The following SGIP1 variants were observed in gnomAD, a reference collection of about 807,000 sequenced individuals.
SGIP1 encodes SH3-containing GRB2-like protein 3-interacting protein 1.
A neutral mutation model predicts 107.5 loss-of-function variants in SGIP1; 38 were observed. The ratio of observed to expected loss-of-function variants is 0.35; its 90% CI spans 0.27 to 0.46. The LOEUF is 0.46. SGIP1 is among the 20% of genes least tolerant of loss of function. The pLI is 1.00. For synonymous variants in SGIP1, 365 were observed against 366.1 expected (o/e 1.00, Z 0.03); for missense variants, 929 against 1,019.5 (o/e 0.91, Z 1.21).
chr1:66,673,446 T>A, intron 12 of SGIP1, 80 bp downstream of exon 12: 1 of 1,232,434 alleles, frequency 8.1e-7, no homozygotes, highest in Non-Finnish European at 1.1e-6. Flanking sequence ...AATGTATGTA[T>A]TTTGAGGTAT....
Position 66,667,540 on chromosome 1 carries a change from C to G in SGIP1, c.482C>G (p.Pro161Arg), listed in dbSNP as rs17855645. The G allele has an allele frequency of 6.2e-7, 1 of 1,613,752 alleles. No homozygotes were observed. The highest frequency in any genetic ancestry group is 1.1e-5 in the South Asian group (1 of 91,056). The change falls in exon 9 of 25, where the codon CCG becomes CGG. Residue 161 changes from proline (P) to arginine (R), a missense_variant and splice_region_variant. Physicochemically the swap from Pro to Arg is moderately radical, Grantham distance 103. Coordinates refer to ENST00000371037, the MANE Select transcript of SGIP1 (RefSeq NM_032291.4). ...SPVRKSPRRS[P>R]GAIKRNLSSE... ...TTTTGCTGATCACAGAGGCGCAGCC[C>G]GGTAAGAACTCTCAACATTTTTACC...
At chr1:66,540,842 G>A (rs1005815557) in intron 1 of SGIP1, among the ~76,000 whole-genome samples, 2 of 152,122 alleles carry the variant, frequency 1.3e-5, no homozygotes, top group Non-Finnish European at 2.9e-5. Context: ...ACATTCCTGG[G>A]CTCTGTTTCC....
At chr1:66,660,595 C>G (rs2081277710) in intron 8 of SGIP1, 71 bp downstream of exon 8, 1 of 1,347,964 alleles carries the variant, frequency 7.4e-7, no homozygotes, top group Non-Finnish European at 1.1e-6. Context: ...ATCTGCATAT[C>G]TAATGACTGA....
chr1:66,591,572 G>C (rs754747952), intron 1 of SGIP1, among the ~76,000 whole-genome samples: 37 of 152,170 alleles, frequency 2.4e-4, no homozygotes, highest in Non-Finnish European at 5.0e-4. Context: ...AGAGTGTGAA[G>C]GGGGCCAGCC....
intron 19 of SGIP1, among the ~76,000 whole-genome samples, chr1:66,727,343 C>G (rs1433735927): frequency 1.3e-5 from 2 of 152,170 alleles, no homozygotes; most frequent in African/African-American, 2.4e-5. Context: ...ATTAAAACAA[C>G]AAGAAGATAC....
At chr1:66,573,323 A>C (rs1414278469) in intron 1 of SGIP1, among the ~76,000 whole-genome samples, 1 of 152,130 alleles carries the variant, frequency 6.6e-6, no homozygotes, top group Non-Finnish European at 1.5e-5. Flanking sequence ...TGGGAGTGTA[A>C]ATTAGTTCAA....
chr1:66,671,155 C>A, intron 10 of SGIP1, 136 bp downstream of exon 10: 1 of 421,404 alleles, frequency 2.4e-6, no homozygotes, highest in Non-Finnish European at 4.3e-6. Context: ...TTTACTTTTA[C>A]AGCAAAGAAT....
chr1:66,560,712 T>A (rs575337513), intron 1 of SGIP1, among the ~76,000 whole-genome samples: 1 of 152,164 alleles, frequency 6.6e-6, no homozygotes, highest in South Asian at 2.1e-4. Flanking sequence ...ATGTTACTTT[T>A]TAAAAAAAGA....
chr1:66,642,960 C>T (rs1051588393), intron 6 of SGIP1, 96 bp downstream of exon 6: 48 of 1,049,344 alleles, frequency 4.6e-5, no homozygotes, highest in Non-Finnish European at 6.8e-5. Flanking sequence ...ATAACCGAAT[C>T]TTCACAAGTC....
At chr1:66,544,860 C>T (rs1380436906) in intron 1 of SGIP1, among the ~76,000 whole-genome samples, 2 of 152,124 alleles carry the variant, frequency 1.3e-5, no homozygotes, top group Non-Finnish European at 2.9e-5. Context: ...GTAGGTAGAA[C>T]CTTACTCCTG....
chr1:66,668,862 T>C (rs1342543952), intron 9 of SGIP1, among the ~76,000 whole-genome samples: 1 of 152,178 alleles, frequency 6.6e-6, no homozygotes, highest in Admixed American at 6.5e-5. Context: ...CAAACAAGCA[T>C]TGAAAGGGGG....
chr1:66,715,073 G>A (rs2093157693), intron 18 of SGIP1, among the ~76,000 whole-genome samples: 1 of 151,886 alleles, frequency 6.6e-6, no homozygotes, highest in Non-Finnish European at 1.5e-5. Flanking sequence ...ATTTTGATTT[G>A]GTCATTCTAC....
At chr1:66,539,118 G>A (rs1947083) in intron 1 of SGIP1, among the ~76,000 whole-genome samples, 104,437 of 152,082 alleles carry the variant, frequency 0.69, 36,422 homozygotes, top group East Asian at 1. Context: ...GAGAGAATTT[G>A]CTGAGATAAT....
intron 1 of SGIP1, among the ~76,000 whole-genome samples, chr1:66,584,678 A>G (rs577035683): frequency 1.1e-4 from 16 of 152,280 alleles, no homozygotes; most frequent in Non-Finnish European, 1.6e-4. Flanking sequence ...CTGAAACTTG[A>G]CAGTAATTTT....
chr1:66,699,038 C>T (rs965716232), intron 18 of SGIP1, among the ~76,000 whole-genome samples: 1 of 151,976 alleles, frequency 6.6e-6, no homozygotes, highest in African/African-American at 2.4e-5. Flanking sequence ...TCTCTGCGCT[C>T]CTGTTTACTC....
At chr1:66,603,186 T>C (rs903734336) in intron 1 of SGIP1, among the ~76,000 whole-genome samples, 14 of 152,188 alleles carry the variant, frequency 9.2e-5, no homozygotes, top group African/African-American at 3.4e-4. Flanking sequence ...GTTCAGTTTT[T>C]GAGGACAAGG....
chr1:66,567,344 T>C (rs1023804136), intron 1 of SGIP1, among the ~76,000 whole-genome samples: 21 of 152,110 alleles, frequency 1.4e-4, no homozygotes, highest in African/African-American at 3.9e-4. Flanking sequence ...GCCCACTTTT[T>C]GATGGGGTTG....
At chr1:66,632,440 G>T (rs2074959126) in intron 2 of SGIP1, among the ~76,000 whole-genome samples, 1 of 152,144 alleles carries the variant, frequency 6.6e-6, no homozygotes, top group South Asian at 2.1e-4. Context: ...TACCACAGAA[G>T]CTTTTTCATC....
Position 66,643,688 on chromosome 1 carries a change from T to C in SGIP1, c.428T>C (p.Ile143Thr), listed in dbSNP as rs1258729266. ...AATVDELKAS[I>T]GNIALSPSPV... Reference sequence around the variant, plus strand: ...ACTGTAGATGAATTGAAGGCATCAATAGGCAACATCGCACTTTCCCCATCA... The same window carrying C: ...ACTGTAGATGAATTGAAGGCATCAACAGGCAACATCGCACTTTCCCCATCA... Residue 143 changes from isoleucine (I) to threonine (T), a missense_variant, in exon 7 of 25, where the codon ATA (isoleucine) becomes ACA (threonine). Coordinates refer to ENST00000371037, the MANE Select transcript of SGIP1 (RefSeq NM_032291.4). 1.9e-6 allele frequency: 3 copies of C among 1,611,374 alleles called. No homozygotes were observed. The highest frequency in any genetic ancestry group is 1.1e-5 in the South Asian group (1 of 90,394).
Sources: gnomAD v4.1 joint callset for allele counts (sites outside exome capture counted in the v4.1 genomes callset) on GRCh38, gnomAD v4.1.1 for gene constraint, MANE v1.5 for transcripts, NCBI Gene and HGNC (gene_info 2026-07-23, HGNC 2026-07-21) for gene names.